The following DROSHA variants were observed in gnomAD, a reference collection of about 807,000 sequenced individuals.
DROSHA encodes the protein ribonuclease 3.
In DROSHA, 56 loss-of-function variants were observed where a neutral mutation model predicts 181.9. The observed-to-expected ratio is 0.31, with a 90% CI of 0.25 to 0.38. The LOEUF is 0.38. Among genes scored for constraint, DROSHA ranks in the 10% least tolerant of loss-of-function variants. The pLI, the probability that DROSHA is intolerant of heterozygous loss-of-function variation, is 1.00. For synonymous variants in DROSHA, 524 were observed against 591.2 expected, an observed-to-expected ratio of 0.89 and a Z score of 1.65; for missense variants, 1,218 against 1,743.5, an observed-to-expected ratio of 0.70 and a Z score of 5.37.
chr5:31,479,257 T>C (rs1283460865), intron 16 of DROSHA, among the ~76,000 whole-genome samples: 1 of 152,218 alleles, frequency 6.6e-6, no homozygotes, highest in Non-Finnish European at 1.5e-5. Context: ...CATTTTCACA[T>C]GTTCAGAAGG....
At chr5:31,515,651 A>C in intron 6 of DROSHA, 87 bp from the exon 7 acceptor site, 1 of 1,504,566 alleles carries the variant, frequency 6.6e-7, no homozygotes, top group Admixed American at 2.2e-5. Flanking sequence ...TGAATCCTCC[A>C]CATCTGTCTT....
chr5:31,448,564 A>G lies in DROSHA; in HGVS notation c.2865T>C (p.Asp955=), dbSNP rs1326920251. The stretch of plus-strand genomic sequence containing the variant: ...AACTTTACCTCGAGGGAGTTGGGTC[A>G]TCTTGGCCAAGGCGTGACATGATAT... ...LINIMSRLGQ[D]DPTPSRINHN... is the part of the protein sequence containing the mutation. Residue 955 remains aspartate (D), a synonymous_variant, in exon 23 of 36, where the codon GAT becomes GAC. Transcript: ENST00000344624. 2.5e-6 allele frequency: 4 copies of G among 1,613,678 alleles called. No homozygotes were observed. The highest frequency in any genetic ancestry group is 1.7e-5 in the Admixed American group (1 of 60,008).
Position 31,472,252 on chromosome 5 carries a change from G to T in DROSHA, c.2072-20C>A. ...CTCCATCTTGGGTGGGAATGGGAGT[G>T]GAGAGAAGGGGAAAAATAAGGCTAC... On this transcript the variant is annotated intron_variant, in intron 16 of 35. Coordinates refer to ENST00000344624, the MANE Select transcript of DROSHA (RefSeq NM_001382508.1). 1.3e-6 allele frequency: 2 copies of T among 1,567,762 alleles called. No homozygotes were observed. Among genetic ancestry groups the T allele is most frequent in the Non-Finnish European group, 8.7e-7 (1 of 1,155,608 alleles).
chr5:31,406,699 G>GGA (rs1251776155), intron 34 of DROSHA, among the ~76,000 whole-genome samples, 154 bp downstream of exon 34: 8 of 152,052 alleles, frequency 5.3e-5, no homozygotes, highest in Non-Finnish European at 1.2e-4. Context: ...ATTAATGTGG[G>GGA]GACATTAATT....
chr5:31,474,811 C>A (rs1009499045), intron 16 of DROSHA, among the ~76,000 whole-genome samples: 1 of 152,096 alleles, frequency 6.6e-6, no homozygotes, highest in Non-Finnish European at 1.5e-5. Context: ...TTTTATCCAC[C>A]AGGTGAGGAT....
rs759782325 is a variant in DROSHA, at chr5:31,506,710, C to CA, written c.1587+1910dup. ...GACTCCGTCTCAAAAAAAAAAAAGA[C>CA]AAAAAAAAAGTTATAACACACTCTT... is the stretch of plus-strand genomic sequence containing the variant. On this transcript the variant is annotated intron_variant, in intron 10 of 35. Coordinates refer to ENST00000344624, the MANE Select transcript of DROSHA (RefSeq NM_001382508.1). Among the ~76,000 whole-genome samples the CA allele has an allele frequency of 3.9e-3, 567 of 146,992 alleles. 9 individuals are homozygous for CA. Among genetic ancestry groups the CA allele is most frequent in the South Asian group, 5.7e-3 (26 of 4,566 alleles).
chr5:31,467,635 T>C (rs996733493), intron 18 of DROSHA: 2 of 154,762 alleles, frequency 1.3e-5, no homozygotes, highest in African/African-American at 4.8e-5. Flanking sequence ...AAAATAATAA[T>C]TATTATTATA....
chr5:31,464,004 A>C, intron 20 of DROSHA: 1 of 531,684 alleles, frequency 1.9e-6, no homozygotes, highest in Non-Finnish European at 3.4e-6. Flanking sequence ...ACTACTAAGT[A>C]AGCTTCTCCC....
At chr5:31,505,185 G>C (rs1055390768) in intron 10 of DROSHA, among the ~76,000 whole-genome samples, 1 of 152,176 alleles carries the variant, frequency 6.6e-6, no homozygotes, top group South Asian at 2.1e-4. Context: ...CCGCCCACAA[G>C]GCTCCATAGG....
chr5:31,498,585 C>T (rs1387331975), intron 11 of DROSHA, among the ~76,000 whole-genome samples: 2 of 152,114 alleles, frequency 1.3e-5, no homozygotes, highest in East Asian at 1.9e-4. Flanking sequence ...TGGCCAGGCA[C>T]GGTGGCTCAT....
At chr5:31,479,874 G>C (rs2150033896) in intron 16 of DROSHA, among the ~76,000 whole-genome samples, 1 of 152,014 alleles carries the variant, frequency 6.6e-6, no homozygotes, top group Non-Finnish European at 1.5e-5. Flanking sequence ...AATTCTGGCT[G>C]TGTGTATATT....
intron 5 of DROSHA, among the ~76,000 whole-genome samples, chr5:31,523,976 CAAAA>C (rs10718385): frequency 8.6e-5 from 9 of 105,060 alleles, no homozygotes; most frequent in Non-Finnish European, 1.3e-4. Flanking sequence ...ACTTTGTCTC[CAAAA>C]AAAAAAAAAA....
At chr5:31,447,164 G>T (rs955808040) in intron 23 of DROSHA, among the ~76,000 whole-genome samples, 3 of 152,144 alleles carry the variant, frequency 2.0e-5, no homozygotes, top group African/African-American at 7.2e-5. Context: ...ACTAACACAG[G>T]AACAGAAAAC....
intron 19 of DROSHA, among the ~76,000 whole-genome samples, chr5:31,465,235 G>A (rs751541490): frequency 6.6e-6 from 1 of 152,118 alleles, no homozygotes; most frequent in Non-Finnish European, 1.5e-5. Context: ...ACCTCCCTGA[G>A]ACAATAATCT....
intron 24 of DROSHA, 80 bp downstream of exon 24, chr5:31,437,159 C>T (rs1744949429): frequency 7.0e-7 from 1 of 1,438,298 alleles, no homozygotes; most frequent in African/African-American, 1.4e-5. Flanking sequence ...TGGCTAATTA[C>T]AAAGAAAGCA....
intron 29 of DROSHA, among the ~76,000 whole-genome samples, chr5:31,422,171 CA>C (rs899995820): frequency 1.4e-5 from 2 of 147,492 alleles, no homozygotes; most frequent in Non-Finnish European, 1.5e-5. Context: ...AATTTTAAAA[CA>C]AAAAAAAATC....
At chr5:31,527,936 A>T (rs1325190964) in intron 4 of DROSHA, among the ~76,000 whole-genome samples, 2 of 152,098 alleles carry the variant, frequency 1.3e-5, no homozygotes, top group Non-Finnish European at 2.9e-5. Context: ...CTTGAAAACC[A>T]AAGGTCATTT....
At chr5:31,429,444 CA>C (rs763278282) in intron 27 of DROSHA, 30 bp downstream of exon 27, 21 of 1,579,454 alleles carry the variant, frequency 1.3e-5, no homozygotes, top group South Asian at 7.0e-5. Context: ...TAATATATAA[CA>C]AAAAAAATCA....
intron 27 of DROSHA, among the ~76,000 whole-genome samples, chr5:31,427,877 G>T (rs1442407458): frequency 6.6e-6 from 1 of 152,178 alleles, no homozygotes; most frequent in Admixed American, 6.5e-5. Context: ...TGTCAAATGA[G>T]TCAGTGTCCA....
Sources: allele counts gnomAD v4.1 joint callset (sites outside exome capture counted in the v4.1 genomes callset), GRCh38; gene constraint gnomAD v4.1.1; transcripts MANE v1.5; gene names NCBI Gene and HGNC (gene_info 2026-07-23, HGNC 2026-07-21).